The following SPTA1 variants were observed in gnomAD, a reference collection of about 807,000 sequenced individuals.
SPTA1 encodes spectrin alpha chain, erythrocytic 1.
In SPTA1, 177 loss-of-function variants were observed where a neutral mutation model predicts 324.7. That is an observed-to-expected ratio of 0.55 (90% confidence interval 0.48 to 0.62). The LOEUF is 0.62. Ranked by LOEUF, SPTA1 falls within the 20% of genes least tolerant of loss-of-function variation. SPTA1 has a pLI of 0.00. For synonymous variants in SPTA1, 1,195 were observed against 1,041.3 expected, an observed-to-expected ratio of 1.15 and a Z score of -2.84; for missense variants, 3,162 against 2,883.6, an observed-to-expected ratio of 1.10 and a Z score of -2.21.
chr1:158,628,212 CT>C (rs2101784690), intron 39 of SPTA1, among the ~76,000 whole-genome samples: 1 of 152,236 alleles, frequency 6.6e-6, no homozygotes, highest in East Asian at 1.9e-4. Flanking sequence ...GTCTGTGTAG[CT>C]GGCAGAATGA....
Position 158,615,229 on chromosome 1 carries a change from G to A in SPTA1, c.6775C>T (p.Gln2259Ter), listed in dbSNP as rs1244495080. 1 of 1,613,352 alleles carries A rather than the reference G, an allele frequency of 6.2e-7. No homozygotes were observed. Among genetic ancestry groups the A allele is most frequent in the Non-Finnish European group, 8.5e-7 (1 of 1,180,006 alleles). The change falls in exon 48 of 52, where the codon CAG becomes TAG. Residue 2259 changes from glutamine (Q) to a stop codon, truncating the protein, a stop_gained. Coordinates refer to ENST00000643759, the MANE Select transcript of SPTA1 (RefSeq NM_003126.4). LOFTEE classifies it high-confidence loss of function. ...GLRMQHNLEQQIQAKDIKGVS... is the reference protein window; with the variant it reads ...GLRMQHNLEQ Reference sequence around the variant, plus strand: ...CGCCCTCAATACTTGGCCTGGATCTGTTGCTCCAGGTTGTGTTGCATCCGC... The same window carrying A: ...CGCCCTCAATACTTGGCCTGGATCTATTGCTCCAGGTTGTGTTGCATCCGC...
chr1:158,611,031 C>T lies in SPTA1; in HGVS notation c.*233G>A, dbSNP rs1217321516. Reference sequence around the variant, plus strand: ...CCCCTCAGCAGTGACTAGTTGCATACAAAATAGCTTCCACTCCTCCAACTC... The same window carrying T: ...CCCCTCAGCAGTGACTAGTTGCATATAAAATAGCTTCCACTCCTCCAACTC... On this transcript the variant is annotated 3_prime_UTR_variant, in exon 52 of 52. Coordinates refer to ENST00000643759, the MANE Select transcript of SPTA1 (RefSeq NM_003126.4). The T allele has an allele frequency of 1.3e-5, 7 of 540,410 alleles. No individual in the cohort carries two copies. The East Asian group carries it at 2.4e-4, about 18-fold the overall frequency. The allele number at this position is 540,410 out of a possible 1,614,324, so 33.5% of individuals were successfully genotyped here.
chr1:158,675,611 A>G (rs1654341596), intron 8 of SPTA1, among the ~76,000 whole-genome samples: 1 of 152,308 alleles, frequency 6.6e-6, no homozygotes, highest in South Asian at 2.1e-4. Flanking sequence ...AGTTTGATTT[A>G]TAAATTAGGT....
intron 38 of SPTA1, among the ~76,000 whole-genome samples, chr1:158,635,267 G>A (rs1650984589): frequency 6.6e-6 from 1 of 152,114 alleles, no homozygotes; most frequent in Non-Finnish European, 1.5e-5. Context: ...ATGATAGTGA[G>A]TGAGTTCTTG....
chr1:158,676,849 A>G (rs1654423756), intron 7 of SPTA1, among the ~76,000 whole-genome samples: 1 of 152,134 alleles, frequency 6.6e-6, no homozygotes, highest in African/African-American at 2.4e-5. Flanking sequence ...CTTTCATCAT[A>G]CTCAACTATA....
intron 25 of SPTA1, 78 bp from the exon 26 acceptor site, chr1:158,648,731 A>T (rs1420006614): frequency 2.0e-6 from 3 of 1,524,244 alleles, no homozygotes; most frequent in Non-Finnish European, 2.7e-6. Flanking sequence ...CAAGAAAGTT[A>T]TCATCACTAC....
intron 48 of SPTA1, chr1:158,614,752 A>G (rs1322506309): frequency 5.3e-6 from 1 of 190,118 alleles, no homozygotes; most frequent in Non-Finnish European, 1.1e-5. Flanking sequence ...TGCCAATCCT[A>G]ATCTAGATAA....
Position 158,686,629 on chromosome 1 carries a change from T to C in SPTA1, c.-112A>G, listed in dbSNP as rs1655202681. The stretch of plus-strand genomic sequence containing the variant: ...AATTCAAATAGAAATATAGAAACGT[T>C]AAGTATGTGGGGGAAAAAAAAAAAC... On this transcript the variant is annotated 5_prime_UTR_variant, in exon 1 of 52. Transcript: ENST00000643759. 1.2e-6 allele frequency: 1 copy of C among 826,024 alleles called. No homozygotes were observed. Among genetic ancestry groups the C allele is most frequent in the East Asian group, 2.5e-5 (1 of 39,362 alleles). The allele number at this position is 826,024 out of a possible 1,614,324, so 51.2% of individuals were successfully genotyped here.
At chr1:158,680,546 C>T in intron 5 of SPTA1, 37 bp downstream of exon 5, 1 of 1,613,128 alleles carries the variant, frequency 6.2e-7, no homozygotes, top group Non-Finnish European at 8.5e-7. Context: ...AGGATAAGAA[C>T]CCTTTGCACG....
chr1:158,672,051 C>G lies in SPTA1; in HGVS notation c.1488+8G>C. On this transcript the variant is annotated splice_region_variant and intron_variant, in intron 11 of 51. Coordinates refer to ENST00000643759, the MANE Select transcript of SPTA1 (RefSeq NM_003126.4). Reference sequence around the variant, plus strand: ...ACTTCTAGAGATGGTATGGACCCCTCCCGTTACCTCTTGTCTACTCATCCA... The same window carrying G: ...ACTTCTAGAGATGGTATGGACCCCTGCCGTTACCTCTTGTCTACTCATCCA... The G allele has an allele frequency of 6.2e-7, 1 of 1,613,722 alleles. No individual in the cohort carries two copies. Among genetic ancestry groups the G allele is most frequent in the Non-Finnish European group, 8.5e-7 (1 of 1,179,836 alleles).
At chr1:158,646,464 G>C (rs1652004068) in intron 27 of SPTA1, among the ~76,000 whole-genome samples, 1 of 151,980 alleles carries the variant, frequency 6.6e-6, no homozygotes, top group Admixed American at 6.6e-5. Flanking sequence ...TTTAGGTTAA[G>C]AATGGATAAA....
intron 39 of SPTA1, among the ~76,000 whole-genome samples, chr1:158,631,615 T>C (rs944987128): frequency 1.9e-4 from 29 of 151,936 alleles, no homozygotes; most frequent in Non-Finnish European, 4.0e-4. Context: ...TAAATAAATT[T>C]AAAAATAATA....
chr1:158,640,970 A>C (rs1270056350), intron 33 of SPTA1, among the ~76,000 whole-genome samples: 1 of 152,190 alleles, frequency 6.6e-6, no homozygotes. Context: ...GATATAGACC[A>C]ACGGAACAGA....
At chr1:158,641,617 C>T (rs1171116927) in intron 33 of SPTA1, among the ~76,000 whole-genome samples, 2 of 152,208 alleles carry the variant, frequency 1.3e-5, no homozygotes, top group African/African-American at 4.8e-5. Flanking sequence ...GAGATACCAT[C>T]TCACACCAGT....
intron 5 of SPTA1, among the ~76,000 whole-genome samples, chr1:158,680,241 C>T (rs1190795575): frequency 6.6e-6 from 1 of 151,948 alleles, no homozygotes; most frequent in East Asian, 1.9e-4. Flanking sequence ...TGTGTTTTTT[C>T]ATGAAGAAAG....
chr1:158,679,860 G>T (rs910776751), intron 5 of SPTA1, among the ~76,000 whole-genome samples: 1 of 152,070 alleles, frequency 6.6e-6, no homozygotes. Flanking sequence ...TGGCCTGAAA[G>T]AAAAATAGGA....
chr1:158,674,328 C>T lies in SPTA1; in HGVS notation c.1350+1G>A. 6.2e-7 allele frequency: 1 copy of T among 1,613,832 alleles called. No individual in the cohort carries two copies. Among genetic ancestry groups the T allele is most frequent in the South Asian group, 1.1e-5 (1 of 91,072 alleles). On this transcript the variant is annotated splice_donor_variant, in intron 10 of 51. Transcript: ENST00000643759. LOFTEE classifies it high-confidence loss of function. ...TGACAAACTCTGTTAAACTAGATTA[C>T]CTTTTCCCGAACTTCATCAGAGGCT...
Position 158,620,419 on chromosome 1 carries a change from G to A in SPTA1, c.6168C>T (p.Asn2056=), listed in dbSNP as rs1259341268. ...VEFAHKASAL[N]NWCEKMEENL... ...TTTCTTCCATCTTTTCACACCAGTT[G>A]TTCAAAGCTGAAGCCTTATGTGCAA... is the stretch of plus-strand genomic sequence containing the variant. Residue 2056 remains asparagine (N), a synonymous_variant, in exon 44 of 52, where the codon AAC becomes AAT. Transcript: ENST00000643759. The A allele has an allele frequency of 6.2e-7, 1 of 1,613,638 alleles. No individual in the cohort carries two copies.
intron 35 of SPTA1, 126 bp from the exon 36 acceptor site, chr1:158,638,367 G>A (rs1309230216): frequency 1.5e-5 from 14 of 944,676 alleles, no homozygotes; most frequent in South Asian, 5.6e-5. Flanking sequence ...CATGGAGTTT[G>A]ATTATGTGTT....
Sources: allele counts gnomAD v4.1 joint callset (sites outside exome capture counted in the v4.1 genomes callset), GRCh38; gene constraint gnomAD v4.1.1; transcripts MANE v1.5; gene names NCBI Gene and HGNC (gene_info 2026-07-23, HGNC 2026-07-21).